The following EML4 variants were observed in gnomAD, a reference collection of about 807,000 sequenced individuals.
The protein encoded by EML4 is echinoderm microtubule-associated protein-like 4.
A neutral mutation model predicts 129.0 loss-of-function variants in EML4; 72 were observed. The observed-to-expected ratio is 0.56, with a 90% CI of 0.46 to 0.68. The LOEUF (loss-of-function observed/expected upper bound fraction) is 0.68, where lower values mean the gene tolerates loss of function less well. Among genes scored for constraint, EML4 ranks in the 30% least tolerant of loss-of-function variants. EML4 has a pLI of 0.00. For synonymous variants in EML4, 532 were observed against 405.0 expected (o/e 1.31, Z -3.77); for missense variants, 1,363 against 1,190.6 (o/e 1.14, Z -2.13).
intron 11 of EML4, among the ~76,000 whole-genome samples, chr2:42,292,500 G>A (rs370440862): frequency 6.6e-6 from 1 of 152,168 alleles, no homozygotes; most frequent in East Asian, 1.9e-4. Context: ...ATGAAATGTT[G>A]ACAAAATAAC....
chr2:42,280,818 T>C, intron 6 of EML4, 32 bp from the exon 7 acceptor site: 1 of 1,567,348 alleles, frequency 6.4e-7, no homozygotes, highest in East Asian at 2.2e-5. Context: ...AGAAAATACG[T>C]ATGACTTAAC....
At chr2:42,183,110 G>A (rs530156687) in intron 1 of EML4, among the ~76,000 whole-genome samples, 30 of 152,118 alleles carry the variant, frequency 2.0e-4, no homozygotes, top group African/African-American at 7.0e-4. Flanking sequence ...AGCTGAGATC[G>A]CACCACTGAG....
chr2:42,253,823 AT>A (rs2104344484), intron 2 of EML4, among the ~76,000 whole-genome samples: 1 of 152,364 alleles, frequency 6.6e-6, no homozygotes, highest in African/African-American at 2.4e-5. Context: ...GCTAAAACTT[AT>A]GTAAGAAAGA....
intron 21 of EML4, 48 bp downstream of exon 21, chr2:42,326,300 TA>T (rs755885388): frequency 9.4e-6 from 12 of 1,281,340 alleles, no homozygotes; most frequent in Non-Finnish European, 1.3e-5. Context: ...GGGTTTTTTA[TA>T]TATAATATTT....
At chr2:42,173,956 G>A (rs1670425557) in intron 1 of EML4, among the ~76,000 whole-genome samples, 1 of 152,202 alleles carries the variant, frequency 6.6e-6, no homozygotes, top group South Asian at 2.1e-4. Context: ...GCTGTGCTAT[G>A]TTTCAAGCAA....
At chr2:42,265,003 T>C (rs1247657059) in intron 6 of EML4, 1 of 1,503,250 alleles carries the variant, frequency 6.7e-7, no homozygotes, top group Non-Finnish European at 9.0e-7. Flanking sequence ...TTTTCCTGGA[T>C]CTCTTATTTG....
At chr2:42,249,894 T>A (rs12620021) in intron 2 of EML4, among the ~76,000 whole-genome samples, 1 of 152,092 alleles carries the variant, frequency 6.6e-6, no homozygotes, top group East Asian at 1.9e-4. Context: ...GTTCATAATA[T>A]ATGCACCAGT....
Position 42,332,377 on chromosome 2 carries a change from G to C in EML4, c.*2170G>C. 4.7e-6 allele frequency: 1 copy of C among 210,608 alleles called. No homozygotes were observed. The highest frequency in any genetic ancestry group is 9.7e-6 in the Non-Finnish European group (1 of 103,384). 13.0% of individuals were successfully genotyped at this position (210,608 alleles called of 1,614,324 possible). ...TCAGTTAAATCTGTGATAATGGTTG[G>C]AAGTGGGTGGGGTTATGAAATTGTA... On this transcript the variant is annotated 3_prime_UTR_variant, in exon 23 of 23. Coordinates refer to ENST00000318522, the MANE Select transcript of EML4 (RefSeq NM_019063.5).
intron 6 of EML4, among the ~76,000 whole-genome samples, chr2:42,278,145 C>T (rs1301884460): frequency 6.6e-6 from 1 of 152,134 alleles, no homozygotes; most frequent in Non-Finnish European, 1.5e-5. Context: ...CTTTGTCTCC[C>T]CTTTAGCTCC....
At chr2:42,328,737 A>C in intron 21 of EML4, 149 bp from the exon 22 acceptor site, 1 of 610,552 alleles carries the variant, frequency 1.6e-6, no homozygotes, top group Non-Finnish European at 2.6e-6. Flanking sequence ...AGTGTGAGCC[A>C]CTGAGAAATT....
chr2:42,226,637 A>G (rs1673980149), intron 1 of EML4, among the ~76,000 whole-genome samples: 1 of 152,080 alleles, frequency 6.6e-6, no homozygotes, highest in African/African-American at 2.4e-5. Context: ...AGCCTGGGCA[A>G]CAGAGTAAGA....
chr2:42,323,763 G>A (rs897643663), intron 19 of EML4, among the ~76,000 whole-genome samples: 1 of 127,502 alleles, frequency 7.8e-6, no homozygotes, highest in South Asian at 2.6e-4. Context: ...GTGAAACCCC[G>A]TCTCTACCAA....
At position 42,301,243 on chromosome 2, in the gene EML4, G is replaced by A. The variant is rs1668268540; in HGVS notation, c.1492G>A (p.Val498Ile). The stretch of plus-strand genomic sequence containing the variant: ...TTTTTATTTTTCCCTCATATTAGGT[G>A]TATATCAAATCAGCAAACAAATCAA... ...EPTPGKGPKG[V>I]YQISKQIKAH... is the part of the protein sequence containing the mutation. Residue 498 changes from valine to isoleucine, a missense_variant and splice_region_variant, in exon 14 of 23, where the codon GTA becomes ATA. Physicochemically the swap from Val to Ile is conservative, Grantham distance 29. Coordinates refer to ENST00000318522, the MANE Select transcript of EML4 (RefSeq NM_019063.5). The A allele has an allele frequency of 3.1e-6, 5 of 1,609,608 alleles. No homozygotes were observed. The highest frequency in any genetic ancestry group is 1.3e-5 in the African/African-American group (1 of 74,536).
chr2:42,248,098 G>T (rs1675529668), intron 2 of EML4, among the ~76,000 whole-genome samples: 1 of 151,906 alleles, frequency 6.6e-6, no homozygotes, highest in Non-Finnish European at 1.5e-5. Context: ...TCAGCCTCTG[G>T]AGTAGCTAGG....
intron 1 of EML4, among the ~76,000 whole-genome samples, chr2:42,245,085 A>ATTTCTTTTTTTTTTTTTTTTTTTTTTTTT (rs1558535322): frequency 2.4e-5 from 1 of 42,148 alleles, no homozygotes; most frequent in Non-Finnish European, 4.3e-5. Flanking sequence ...TTGTTTTGAA[A>ATTTCTTTTTTTTTTTTTTTTTTTTTTTTT]TTTTCTTTCT....
intron 1 of EML4, among the ~76,000 whole-genome samples, chr2:42,242,807 C>G (rs538516749): frequency 2.2e-4 from 33 of 151,496 alleles, no homozygotes; most frequent in African/African-American, 8.0e-4. Context: ...CTCTGTCACC[C>G]AGGTTTAAGT....
chr2:42,261,211 A>G lies in EML4; in HGVS notation c.429A>G (p.Ala143=), dbSNP rs1276508771. Reference sequence around the variant, plus strand: ...ATGATCAAAGTCCACAAATTCGAGCATCACCTTCTCCCCAGCCCTCTTCAC... The same window carrying G: ...ATGATCAAAGTCCACAAATTCGAGCGTCACCTTCTCCCCAGCCCTCTTCAC... ...HSNDQSPQIR[A]SPSPQPSSQP... Residue 143 remains alanine (A), a synonymous_variant, in exon 4 of 23, where the codon GCA becomes GCG. Transcript: ENST00000318522. The G allele has an allele frequency of 6.2e-7, 1 of 1,614,036 alleles. No homozygotes were observed. Among genetic ancestry groups the G allele is most frequent in the Admixed American group, 1.7e-5 (1 of 60,020 alleles).
At chr2:42,310,537 G>C (rs1668880699) in intron 17 of EML4, among the ~76,000 whole-genome samples, 1 of 152,068 alleles carries the variant, frequency 6.6e-6, no homozygotes, top group Non-Finnish European at 1.5e-5. Flanking sequence ...GTAGAGACAG[G>C]GTTTCACCAT....
chr2:42,269,943 A>T (rs1237062345), intron 6 of EML4, among the ~76,000 whole-genome samples: 1 of 152,200 alleles, frequency 6.6e-6, no homozygotes, highest in Non-Finnish European at 1.5e-5. Context: ...TTAGGGGTAA[A>T]ATGACCTGTA....
Sources: gnomAD v4.1 joint callset for allele counts (sites outside exome capture counted in the v4.1 genomes callset) on GRCh38, gnomAD v4.1.1 for gene constraint, MANE v1.5 for transcripts, NCBI Gene and HGNC (gene_info 2026-07-23, HGNC 2026-07-21) for gene names.